The following ACTN1 variants were observed in gnomAD, a reference collection of about 807,000 sequenced individuals.
The protein encoded by ACTN1 is actinin alpha 1, also known as alpha-actinin-1.
A neutral mutation model predicts 119.6 loss-of-function variants in ACTN1; 30 were observed. That is an observed-to-expected ratio of 0.25 (90% CI 0.19 to 0.34). The LOEUF (loss-of-function observed/expected upper bound fraction) is 0.34, where lower values mean the gene tolerates loss of function less well. ACTN1 is among the 10% of genes least tolerant of loss of function. The pLI, the probability that ACTN1 is intolerant of heterozygous loss-of-function variation, is 1.00. For missense variants in ACTN1, 764 were observed against 1,223.4 expected, an observed-to-expected ratio of 0.62 and a Z score of 5.60; for synonymous variants, 429 against 472.6, an observed-to-expected ratio of 0.91 and a Z score of 1.20.
chr14:68,878,824 G>C lies in ACTN1; in HGVS notation c.2361+165C>G, dbSNP rs992641726. 3 of 1,593,928 alleles carry C rather than the reference G, an allele frequency of 1.9e-6. No homozygotes were observed. Among genetic ancestry groups the C allele is most frequent in the African/African-American group, 1.3e-5 (1 of 74,854 alleles). ...GCCATGAAAGACAGCAGAGGGCAGAGGGTGGACCAGTGATGGGGCAGACAG... is the reference window on the plus strand; with the variant it reads ...GCCATGAAAGACAGCAGAGGGCAGACGGTGGACCAGTGATGGGGCAGACAG... On this transcript the variant is annotated intron_variant, in intron 19 of 21. Coordinates refer to ENST00000394419, the MANE Select transcript of ACTN1 (RefSeq NM_001130004.2). The surrounding 1 kb of genome is among the most constrained non-coding windows in gnomAD (Gnocchi z 4.4).
intron 1 of ACTN1, among the ~76,000 whole-genome samples, chr14:68,941,336 C>T (rs536856424): frequency 4.4e-4 from 67 of 152,312 alleles, no homozygotes; most frequent in Middle Eastern, 6.8e-3. Context: ...TGGGCCCCAC[C>T]GCCAGTTTCT....
At position 68,879,155 on chromosome 14, in the gene ACTN1, G is replaced by C; in HGVS notation, c.2281-86C>G. The C allele has an allele frequency of 8.9e-7, 1 of 1,126,858 alleles. No homozygotes were observed. The highest frequency in any genetic ancestry group is 1.2e-6 in the Non-Finnish European group (1 of 826,074). The allele number at this position is 1,126,858 out of a possible 1,614,324, so 69.8% of individuals were successfully genotyped here. ...GGGGCATGCCCCGGGGGAGGGTGGC[G>C]TGTGTGGGGAGACACAGGGACAGGC... On this transcript the variant is annotated intron_variant, in intron 18 of 21. Transcript: ENST00000394419. This position sits in a 1 kb window ranked among gnomAD's most constrained non-coding sequence, Gnocchi z 4.9.
chr14:68,948,894 G>A (rs1008059383), intron 1 of ACTN1, among the ~76,000 whole-genome samples: 1 of 152,180 alleles, frequency 6.6e-6, no homozygotes, highest in Non-Finnish European at 1.5e-5. Flanking sequence ...AGACAGCCAC[G>A]TGCAGATCTC....
chr14:68,884,880 C>T lies in ACTN1; in HGVS notation c.1389G>A (p.Glu463=), dbSNP rs763776580. The part of the protein sequence containing the change: ...QIAAIAQELN[E]LDYYDSPSVN... ...CACTGGGTGAGTCATAATAGTCCAGCTCACTGGGGAGGGAAGAGACAAGGA... is the reference window on the plus strand; with the variant it reads ...CACTGGGTGAGTCATAATAGTCCAGTTCACTGGGGAGGGAAGAGACAAGGA... The change falls in exon 13 of 22, where the codon GAG becomes GAA. Residue 463 remains glutamate (E), a synonymous_variant. Transcript: ENST00000394419. 6.2e-7 allele frequency: 1 copy of T among 1,612,456 alleles called. No individual in the cohort carries two copies. The highest frequency in any genetic ancestry group is 1.1e-5 in the South Asian group (1 of 91,052).
In ACTN1 at chr14:68,880,143, T is replaced by A. The variant is rs777267050; in HGVS notation, c.2134-35A>T. On this transcript the variant is annotated intron_variant, in intron 17 of 21. Coordinates refer to ENST00000394419, the MANE Select transcript of ACTN1 (RefSeq NM_001130004.2). This position sits in a 1 kb window ranked among gnomAD's most constrained non-coding sequence, Gnocchi z 4.6. ...GGCAAGGGGCCTGTCAGCAAAGGGG[T>A]CCCAGGCCTGGGCTCCTGGCGGCCC... 3.7e-6 allele frequency: 6 copies of A among 1,605,760 alleles called. No homozygotes were observed. In the African/African-American group the frequency reaches 8.0e-5, roughly 22 times the overall value.
At chr14:68,919,285 C>T (rs1039467519) in intron 3 of ACTN1, among the ~76,000 whole-genome samples, 2 of 152,172 alleles carry the variant, frequency 1.3e-5, no homozygotes, top group African/African-American at 4.8e-5. Flanking sequence ...TCTAGCTTGC[C>T]ACGGTCCCTA....
Position 68,885,566 on chromosome 14 carries a change from G to T in ACTN1, c.1244C>A (p.Ala415Asp), listed in dbSNP as rs1259054790. The part of the protein sequence containing the change: ...IHEAWTDGKE[A>D]MLRQKDYETA... ...CTCATAGTCCTTCTGTCGCAGCATG[G>T]CCTCTTTGCCTGGGTTGAGAGAGGG... is the stretch of plus-strand genomic sequence containing the variant. Residue 415 changes from alanine (A) to aspartate (D), a missense_variant, in exon 12 of 22, where the codon GCC becomes GAC. Physicochemically the swap from Ala to Asp is moderately radical, Grantham distance 126. Coordinates refer to ENST00000394419, the MANE Select transcript of ACTN1 (RefSeq NM_001130004.2). The surrounding 1 kb of genome is among the most constrained non-coding windows in gnomAD (Gnocchi z 5.6). The T allele has an allele frequency of 1.2e-6, 2 of 1,613,032 alleles. No individual in the cohort carries two copies. Among genetic ancestry groups the T allele is most frequent in the Non-Finnish European group, 1.7e-6 (2 of 1,179,962 alleles).
chr14:68,904,373 C>T (rs1358820466), intron 7 of ACTN1, among the ~76,000 whole-genome samples: 1 of 152,198 alleles, frequency 6.6e-6, no homozygotes, highest in African/African-American at 2.4e-5. Flanking sequence ...ACCCCAGCAC[C>T]CGCTATCCTG....
chr14:68,918,445 G>A (rs1447007635), intron 3 of ACTN1, among the ~76,000 whole-genome samples: 7 of 151,826 alleles, frequency 4.6e-5, no homozygotes, highest in South Asian at 2.1e-4. Context: ...AATTAGCCAG[G>A]CGTGGTGGTG....
intron 1 of ACTN1, among the ~76,000 whole-genome samples, chr14:68,974,975 C>T (rs148747191): frequency 2.0e-5 from 3 of 152,312 alleles, no homozygotes; most frequent in Non-Finnish European, 4.4e-5. Flanking sequence ...GGTTTATGGC[C>T]CCCAGCCAGG....
chr14:68,884,716 G>A, intron 13 of ACTN1, 59 bp downstream of exon 13: 2 of 1,401,828 alleles, frequency 1.4e-6, no homozygotes, highest in Non-Finnish European at 2.0e-6. Context: ...TCAAGAAGCA[G>A]GAAGGGGCAC....
At chr14:68,936,173 G>A (rs1007690090) in intron 1 of ACTN1, among the ~76,000 whole-genome samples, 3 of 152,170 alleles carry the variant, frequency 2.0e-5, no homozygotes, top group Admixed American at 2.0e-4. Flanking sequence ...TTTTGTTCCT[G>A]TGTAGGGTTT....
intron 2 of ACTN1, among the ~76,000 whole-genome samples, chr14:68,923,792 T>A (rs1337166026): frequency 1.3e-5 from 2 of 152,206 alleles, no homozygotes; most frequent in Non-Finnish European, 1.5e-5. Flanking sequence ...ATTTTAAAAA[T>A]ATTTTGTACA....
chr14:68,948,186 A>G (rs1421133593), intron 1 of ACTN1, among the ~76,000 whole-genome samples: 1 of 151,616 alleles, frequency 6.6e-6, no homozygotes, highest in East Asian at 2.0e-4. Context: ...CACTTAGCAG[A>G]GGCACAACGG....
At chr14:68,876,774 T>TC (rs2030948225) in intron 21 of ACTN1, among the ~76,000 whole-genome samples, 1 of 152,152 alleles carries the variant, frequency 6.6e-6, no homozygotes, top group African/African-American at 2.4e-5. Context: ...TCAGATGGAC[T>TC]CCAAGAGTCC....
At chr14:68,914,417 A>T (rs1427673035) in intron 3 of ACTN1, among the ~76,000 whole-genome samples, 1 of 152,218 alleles carries the variant, frequency 6.6e-6, no homozygotes, top group Non-Finnish European at 1.5e-5. Flanking sequence ...GTTCAATCTC[A>T]CTTGTAATCA....
chr14:68,977,842 G>A (rs2037116800), intron 1 of ACTN1: 1 of 422,102 alleles, frequency 2.4e-6, no homozygotes, highest in Non-Finnish European at 4.8e-6. Flanking sequence ...CAGCCTGGGG[G>A]TGGGGAGGGT....
At chr14:68,901,158 G>A (rs554768486) in intron 8 of ACTN1, among the ~76,000 whole-genome samples, 1 of 151,878 alleles carries the variant, frequency 6.6e-6, no homozygotes, top group African/African-American at 2.4e-5. Flanking sequence ...GCATAGGAGA[G>A]GTGGGAGAGG....
intron 16 of ACTN1, among the ~76,000 whole-genome samples, chr14:68,881,936 C>CCTTTTTTTTTTT (rs2031552165): frequency 1.7e-5 from 1 of 58,394 alleles, no homozygotes; most frequent in African/African-American, 1.1e-4. Flanking sequence ...TAGGCAGCTT[C>CCTTTTTTTTTTT]TTTTTTTTTT....
Sources: allele counts gnomAD v4.1 joint callset (sites outside exome capture counted in the v4.1 genomes callset), GRCh38; gene constraint gnomAD v4.1.1; non-coding constraint Gnocchi (gnomAD v3.1); transcripts MANE v1.5; gene names NCBI Gene and HGNC (gene_info 2026-07-23, HGNC 2026-07-21).